Variants in TSPEAR observed in about 807,000 individuals in gnomAD.
TSPEAR encodes the protein thrombospondin-type laminin G domain and EAR repeat-containing protein.
In TSPEAR, 69 loss-of-function variants were observed where a neutral mutation model predicts 71.6. The observed-to-expected ratio is 0.96, with a 90% confidence interval of 0.79 to 1.18. The LOEUF is 1.18. TSPEAR is among the 50% of genes most tolerant of loss of function. TSPEAR has a pLI of 0.00. For synonymous variants in TSPEAR, 402 were observed against 387.2 expected (o/e 1.04, Z -0.45); for missense variants, 971 against 894.9 (o/e 1.09, Z -1.09).
intron 7 of TSPEAR, among the ~76,000 whole-genome samples, chr21:44,526,484 G>A (rs868932556): frequency 6.7e-6 from 1 of 148,484 alleles, no homozygotes; most frequent in Non-Finnish European, 1.5e-5. Flanking sequence ...ACCTTATGAT[G>A]TCATCAATCA....
chr21:44,646,880 C>T (rs1555940067), intron 1 of TSPEAR: 2 of 1,577,588 alleles, frequency 1.3e-6, no homozygotes, highest in Admixed American at 1.8e-5. Context: ...GCCTCTTCCT[C>T]CTGCCAGCCG....
rs1346745775 is a variant in TSPEAR at position 44,529,824 on chromosome 21, T to C, written c.764A>G (p.Asp255Gly). Residue 255 changes from aspartate to glycine, a missense_variant, in exon 5 of 12, where the codon GAT (aspartate) becomes GGT (glycine). Transcript: ENST00000323084. ...ATAGGGATATTTTAGCACCTCGTTA[T>C]CTTCTGGCTTCCCCGTGAGAGCCTG... ...VLQALTGKPE[D>G]NEVLKYPYET... 1.2e-6 allele frequency: 2 copies of C among 1,613,798 alleles called. No individual in the cohort carries two copies. Among genetic ancestry groups the C allele is most frequent in the Admixed American group, 1.7e-5 (1 of 60,000 alleles).
chr21:44,660,136 A>G (rs1985409974), intron 1 of TSPEAR, among the ~76,000 whole-genome samples: 1 of 152,224 alleles, frequency 6.6e-6, no homozygotes, highest in East Asian at 1.9e-4. Flanking sequence ...GCAAAACATC[A>G]AATCCTCATT....
At chr21:44,602,520 G>T (rs1043438220) in intron 1 of TSPEAR, among the ~76,000 whole-genome samples, 1 of 152,060 alleles carries the variant, frequency 6.6e-6, no homozygotes, top group East Asian at 1.9e-4. Flanking sequence ...CCCGCTGGCC[G>T]GGCTGGCCCT....
intron 1 of TSPEAR, among the ~76,000 whole-genome samples, chr21:44,624,709 C>G (rs587660005): frequency 7.9e-5 from 12 of 152,314 alleles, no homozygotes; most frequent in Admixed American, 5.9e-4. Flanking sequence ...AATCCCTCCT[C>G]CTTGTCAGGT....
chr21:44,635,044 T>C (rs1340209605), intron 1 of TSPEAR, among the ~76,000 whole-genome samples: 1 of 152,076 alleles, frequency 6.6e-6, no homozygotes, highest in East Asian at 1.9e-4. Context: ...AACAGAAACA[T>C]GTACAAGAAT....
intron 2 of TSPEAR, among the ~76,000 whole-genome samples, chr21:44,553,115 G>A (rs1000174785): frequency 6.6e-5 from 10 of 152,256 alleles, no homozygotes; most frequent in South Asian, 2.1e-4. Context: ...TGGTGAGGTC[G>A]GAGCATGTGG....
rs10712664 is a variant in TSPEAR, at chr21:44,535,896, C to CAAAAAA, written c.304-1979_304-1974dup. ...CAGAAGGATCAATTTCTATGTTTAT[C>CAAAAAA]AAAAAAAAAAAAAGGAAAAAAGAAA... On this transcript the variant is annotated intron_variant, in intron 2 of 11. Coordinates refer to ENST00000323084, the MANE Select transcript of TSPEAR (RefSeq NM_144991.3). Among the ~76,000 whole-genome samples, 56 of 136,898 alleles carry CAAAAAA rather than the reference C, an allele frequency of 4.1e-4. 1 individual carries two copies. In the East Asian group the frequency reaches 7.4e-3, roughly 18 times the overall value. 89.8% of individuals were successfully genotyped at this position (136,898 alleles called of 152,430 possible).
intron 9 of TSPEAR, chr21:44,516,260 T>C (rs2052565036): frequency 6.6e-6 from 1 of 152,280 alleles, no homozygotes. Flanking sequence ...GGAGCTGTGC[T>C]CCACATGCAG....
chr21:44,595,435 C>T (rs781919231), intron 1 of TSPEAR, among the ~76,000 whole-genome samples: 27 of 152,180 alleles, frequency 1.8e-4, no homozygotes, highest in Non-Finnish European at 3.2e-4. Context: ...ACATGTCTTA[C>T]GAATGCTTCT....
rs1985235030 is a variant in TSPEAR, at chr21:44,657,723, A to G, written c.82+53710T>C. ...TGAAAAAAATTGACAAAAAACCTGC[A>G]TAACGTCAAACCAGAACATCCTGTT... On this transcript the variant is annotated intron_variant, in intron 1 of 11. Transcript: ENST00000323084. 2.0e-5 allele frequency among the ~76,000 whole-genome samples: 3 copies of G among 152,244 alleles called. No individual in the cohort carries two copies. The South Asian group carries it at 6.2e-4, about 32-fold the overall frequency.
At chr21:44,669,908 G>T (rs587674442) in intron 1 of TSPEAR, among the ~76,000 whole-genome samples, 1 of 152,272 alleles carries the variant, frequency 6.6e-6, no homozygotes, top group South Asian at 2.1e-4. Flanking sequence ...CATCTACTGG[G>T]GGGCATTTAA....
chr21:44,622,705 T>G (rs1216115648), intron 1 of TSPEAR, among the ~76,000 whole-genome samples: 4 of 152,220 alleles, frequency 2.6e-5, no homozygotes, highest in South Asian at 4.1e-4. Flanking sequence ...GGATTTAAGG[T>G]TCACTATAAC....
In TSPEAR at chr21:44,522,148, A is replaced by G. The variant is rs369718755; in HGVS notation, c.1337-36T>C. On this transcript the variant is annotated intron_variant, in intron 8 of 11. Coordinates refer to ENST00000323084, the MANE Select transcript of TSPEAR (RefSeq NM_144991.3). ...GGGACTGTGCTGGGGGCAGGGAGGCAGATTCCACAGCCCCATGGCAGCCCC... is the reference window on the plus strand; with the variant it reads ...GGGACTGTGCTGGGGGCAGGGAGGCGGATTCCACAGCCCCATGGCAGCCCC... 4.0e-5 allele frequency: 63 copies of G among 1,590,304 alleles called. No individual in the cohort carries two copies. In the African/African-American group the frequency reaches 7.2e-4, roughly 18 times the overall value.
rs376521134 is a variant in TSPEAR, at chr21:44,558,284, C to T, written c.303+9501G>A. 9.0e-5 allele frequency: 145 copies of T among 1,614,024 alleles called. 1 individual carries two copies. The highest frequency in any genetic ancestry group is 2.5e-4 in the South Asian group (23 of 91,068). ...TGCAGCAGGAGGTGGTGCAGCAAGCCGGCTGGCGGCTAGACTGCTGGCAGC... is the reference window on the plus strand; with the variant it reads ...TGCAGCAGGAGGTGGTGCAGCAAGCTGGCTGGCGGCTAGACTGCTGGCAGC... On this transcript the variant is annotated intron_variant, in intron 2 of 11. Coordinates refer to ENST00000323084, the MANE Select transcript of TSPEAR (RefSeq NM_144991.3).
At chr21:44,561,140 G>C (rs1177242416) in intron 2 of TSPEAR, among the ~76,000 whole-genome samples, 1 of 152,068 alleles carries the variant, frequency 6.6e-6, no homozygotes, top group Non-Finnish European at 1.5e-5. Context: ...AATAAAAAAT[G>C]ATAAAGGGGA....
At chr21:44,557,925 C>G in intron 2 of TSPEAR, 2 of 1,152,008 alleles carry the variant, frequency 1.7e-6, no homozygotes, top group Non-Finnish European at 2.4e-6. Flanking sequence ...CATGAAAGCT[C>G]AGCATTGCTG....
intron 1 of TSPEAR, among the ~76,000 whole-genome samples, chr21:44,648,147 T>C (rs782751855): frequency 3.9e-5 from 6 of 152,202 alleles, no homozygotes; most frequent in Admixed American, 3.9e-4. Context: ...GTCCTGGAGT[T>C]ACTCAGACGT....
chr21:44,700,131 T>A (rs572916181), intron 1 of TSPEAR, among the ~76,000 whole-genome samples: 2 of 152,298 alleles, frequency 1.3e-5, no homozygotes, highest in South Asian at 2.1e-4. Flanking sequence ...TCTACAGAAT[T>A]TTTTTTGGAA....
Sources: allele counts gnomAD v4.1 joint callset (sites outside exome capture counted in the v4.1 genomes callset), GRCh38; gene constraint gnomAD v4.1.1; transcripts MANE v1.5; gene names NCBI Gene and HGNC (gene_info 2026-07-23, HGNC 2026-07-21).